MACROD1: variants seen among roughly 807,000 people sequenced by gnomAD.
MACROD1 encodes the protein mono-ADP ribosylhydrolase 1, also known as ADP-ribose glycohydrolase MACROD1.
MACROD1 carries 31 observed loss-of-function variants against 41.4 expected under a neutral mutation model. That is an observed-to-expected ratio of 0.75 (90% CI 0.56 to 1.01). MACROD1 has a LOEUF of 1.01. MACROD1 is among the 50% of genes least tolerant of loss of function. MACROD1 has a pLI of 0.00. For synonymous variants in MACROD1, 252 were observed against 203.4 expected (o/e 1.24, Z -2.03); for missense variants, 473 against 460.0 (o/e 1.03, Z -0.26).
At chr11:64,143,278 T>G (rs907078930) in intron 3 of MACROD1, among the ~76,000 whole-genome samples, 1 of 152,178 alleles carries the variant, frequency 6.6e-6, no homozygotes, top group Non-Finnish European at 1.5e-5. Context: ...GATGAGGGTT[T>G]GATTCCCAGC....
chr11:64,103,521 T>C (rs1367508782), intron 3 of MACROD1: 3 of 150,308 alleles, frequency 2.0e-5, no homozygotes, highest in Non-Finnish European at 4.4e-5. Context: ...TGGCTCCCTC[T>C]CAGCTCCGTC....
chr11:64,113,417 C>CATGGATGGATGATGG (rs1944896858), intron 3 of MACROD1, among the ~76,000 whole-genome samples: 1 of 144,720 alleles, frequency 6.9e-6, no homozygotes. Context: ...CAGGTTGATG[C>CATGGATGGATGATGG]ATGGATGGAT....
intron 3 of MACROD1, among the ~76,000 whole-genome samples, chr11:64,116,021 A>G (rs1405517978): frequency 6.6e-6 from 1 of 152,194 alleles, no homozygotes; most frequent in Non-Finnish European, 1.5e-5. Context: ...ATGTTGTTAG[A>G]GTCCGACCTC....
intron 3 of MACROD1, among the ~76,000 whole-genome samples, chr11:64,050,189 C>T (rs1048197786): frequency 6.6e-6 from 1 of 152,148 alleles, no homozygotes. Flanking sequence ...ACCCATCCCT[C>T]CCTCCCTAGA....
chr11:64,108,640 G>A (rs1295437248), intron 3 of MACROD1, among the ~76,000 whole-genome samples: 1 of 152,252 alleles, frequency 6.6e-6, no homozygotes, highest in Admixed American at 6.5e-5. Flanking sequence ...AGTGGGAGGT[G>A]GGACTGGGGT....
intron 3 of MACROD1, among the ~76,000 whole-genome samples, chr11:64,130,567 C>T (rs1020897836): frequency 6.6e-6 from 1 of 152,180 alleles, no homozygotes; most frequent in Non-Finnish European, 1.5e-5. Flanking sequence ...TATCACCCAG[C>T]CTAGGAGGGT....
intron 3 of MACROD1, among the ~76,000 whole-genome samples, chr11:64,144,647 C>T (rs1041010257): frequency 6.6e-6 from 1 of 152,178 alleles, no homozygotes; most frequent in Admixed American, 6.5e-5. Flanking sequence ...GCTTGGCTTC[C>T]CCGAGGAGGA....
At chr11:64,009,796 C>G (rs1277943475) in intron 4 of MACROD1, among the ~76,000 whole-genome samples, 1 of 152,242 alleles carries the variant, frequency 6.6e-6, no homozygotes, top group Non-Finnish European at 1.5e-5. Context: ...TCCCCTGAGA[C>G]TGCAGCCCTC....
At chr11:64,140,312 G>C (rs947578745) in intron 3 of MACROD1, among the ~76,000 whole-genome samples, 1 of 152,264 alleles carries the variant, frequency 6.6e-6, no homozygotes, top group African/African-American at 2.4e-5. Flanking sequence ...TGCTGGCAGT[G>C]GGGAGTGAGG....
chr11:64,028,762 T>C (rs1943256782), intron 3 of MACROD1, among the ~76,000 whole-genome samples: 1 of 151,792 alleles, frequency 6.6e-6, no homozygotes, highest in African/African-American at 2.4e-5. Flanking sequence ...CTGCCAGGCC[T>C]GGCTGCTGGG....
intron 4 of MACROD1, among the ~76,000 whole-genome samples, chr11:64,010,805 TGTTG>T (rs1238715211): frequency 1.5e-5 from 2 of 136,668 alleles, no homozygotes; most frequent in South Asian, 2.4e-4. Context: ...TTGGCTGGCA[TGTTG>T]GTTGGGGTAT....
At chr11:64,028,726 C>T (rs369937816) in intron 3 of MACROD1, among the ~76,000 whole-genome samples, 21 of 152,186 alleles carry the variant, frequency 1.4e-4, no homozygotes, top group African/African-American at 4.6e-4. Context: ...CCAGCCTCAG[C>T]GGCGCTGGTG....
chr11:64,153,279 C>T (rs1303439597), intron 1 of MACROD1, among the ~76,000 whole-genome samples: 3 of 152,210 alleles, frequency 2.0e-5, no homozygotes, highest in Non-Finnish European at 2.9e-5. Context: ...CACCCAGGCG[C>T]TCAGCCCAGC....
intron 1 of MACROD1, among the ~76,000 whole-genome samples, chr11:64,158,997 C>T (rs2134726629): frequency 6.6e-6 from 1 of 151,098 alleles, no homozygotes; most frequent in Admixed American, 6.6e-5. Context: ...ACCAGCCTGG[C>T]CAACATTGCA....
At chr11:64,037,046 G>C (rs1465081627) in intron 3 of MACROD1, among the ~76,000 whole-genome samples, 1 of 151,400 alleles carries the variant, frequency 6.6e-6, no homozygotes, top group African/African-American at 2.4e-5. Flanking sequence ...CTCCAGGGTG[G>C]GCAGTTTTGA....
At chr11:64,143,653 A>G (rs1945444931) in intron 3 of MACROD1, among the ~76,000 whole-genome samples, 2 of 151,862 alleles carry the variant, frequency 1.3e-5, no homozygotes, top group African/African-American at 4.8e-5. Context: ...CCTGGCCGTG[A>G]GGACAGACAG....
chr11:64,061,212 C>T (rs1943896886), intron 3 of MACROD1, among the ~76,000 whole-genome samples: 1 of 152,252 alleles, frequency 6.6e-6, no homozygotes, highest in Non-Finnish European at 1.5e-5. Flanking sequence ...CTTCTAACCC[C>T]TGTAATAAAT....
chr11:64,058,596 C>T lies in MACROD1; in HGVS notation c.518-43315G>A, dbSNP rs538566572. On this transcript the variant is annotated intron_variant, in intron 3 of 10. Coordinates refer to ENST00000255681, the MANE Select transcript of MACROD1 (RefSeq NM_014067.4). ...GGGTGGTGGAGGAGCCGGCAGCTGC[C>T]GGGTGCAGCGGGCACGGCCCTGTAA... Among the ~76,000 whole-genome samples the T allele has an allele frequency of 6.6e-5, 10 of 152,354 alleles. No individual in the cohort carries two copies. The South Asian group carries it at 1.4e-3, about 22-fold the overall frequency.
At chr11:64,004,892 GA>G (rs1461244084) in intron 4 of MACROD1, among the ~76,000 whole-genome samples, 19 of 151,994 alleles carry the variant, frequency 1.3e-4, no homozygotes, top group Admixed American at 1.1e-3. Flanking sequence ...TCAAAGAAAA[GA>G]AAAAAGAGTG....
Sources: allele counts gnomAD v4.1 joint callset (sites outside exome capture counted in the v4.1 genomes callset), GRCh38; gene constraint gnomAD v4.1.1; transcripts MANE v1.5; gene names NCBI Gene and HGNC (gene_info 2026-07-23, HGNC 2026-07-21).